NF1: variants seen among roughly 807,000 people sequenced by gnomAD.
NF1 encodes the protein neurofibromin 1.
In NF1, 122 loss-of-function variants were observed where a neutral mutation model predicts 325.7. That is an observed-to-expected ratio of 0.37 (90% CI 0.32 to 0.44). The LOEUF (loss-of-function observed/expected upper bound fraction) is 0.44. Among genes scored for constraint, NF1 ranks in the 20% least tolerant of loss-of-function variants. The probability of loss-of-function intolerance (pLI) is 1.00; values close to 1 mark genes in which losing one functional copy is unlikely to be tolerated. For missense variants in NF1, 2,140 were observed against 3,415.4 expected (o/e 0.63, Z 9.31); for synonymous variants, 1,091 against 1,186.0 (o/e 0.92, Z 1.65).
intron 42 of NF1, 94 bp downstream of exon 42, chr17:31,337,008 T>A: frequency 7.5e-7 from 1 of 1,339,372 alleles, no homozygotes; most frequent in Non-Finnish European, 1.0e-6. Flanking sequence ...GTTTGTGCTC[T>A]AACACCAAGT....
intron 3 of NF1, among the ~76,000 whole-genome samples, chr17:31,161,102 T>C (rs2065754523): frequency 6.6e-6 from 1 of 152,238 alleles, no homozygotes; most frequent in Non-Finnish European, 1.5e-5. Context: ...ACGTTTGTTA[T>C]ACATAGTTGG....
rs964089094 is a variant in NF1 at position 31,163,506 on chromosome 17, C to T, written c.479+130C>T. 14 of 951,862 alleles carry T rather than the reference C, an allele frequency of 1.5e-5. No individual in the cohort carries two copies. The East Asian group carries it at 3.2e-4, about 22-fold the overall frequency. The allele number at this position is 951,862 out of a possible 1,614,324, so 59.0% of individuals were successfully genotyped here. A position where few individuals can be genotyped will look rare whatever the true frequency, so the allele number is the denominator to read the frequency against. ...GTTTTTGAGACAAGTTCTTTTGCCC[C>T]TCACAGCAGCTTTGACCTCCCAGGC... is the stretch of plus-strand genomic sequence containing the variant. On this transcript the variant is annotated intron_variant, in intron 4 of 57. Transcript: ENST00000358273.
At chr17:31,192,249 G>A (rs750295706) in intron 8 of NF1, among the ~76,000 whole-genome samples, 5 of 152,144 alleles carry the variant, frequency 3.3e-5, no homozygotes, top group African/African-American at 9.7e-5. Flanking sequence ...ACCATGGCCC[G>A]TGACACAGCC....
chr17:31,188,569 T>C (rs2143817362), intron 8 of NF1, among the ~76,000 whole-genome samples: 1 of 152,218 alleles, frequency 6.6e-6, no homozygotes, highest in Middle Eastern at 3.4e-3. Context: ...TGACAAGGGG[T>C]GGACTTGTGA....
In NF1 at chr17:31,095,392, G is replaced by C. The variant is rs550767175; in HGVS notation, c.60+23G>C. ...CAGGTAACCGGCCCGTGGCGGGCGG[G>C]AGGTGGGAGCGGAGTGGGGGTGGGG... On this transcript the variant is annotated intron_variant, in intron 1 of 57. Coordinates refer to ENST00000358273, the MANE Select transcript of NF1 (RefSeq NM_001042492.3). 22 of 1,537,546 alleles carry C rather than the reference G, an allele frequency of 1.4e-5. No homozygotes were observed. In the East Asian group the frequency reaches 2.9e-4, roughly 20 times the overall value.
rs772745260 is a variant in NF1 at position 31,233,170 on chromosome 17, C to T, written c.3665C>T (p.Pro1222Leu). The T allele has an allele frequency of 1.4e-5, 22 of 1,613,978 alleles. 2 individuals are homozygous for T. In the South Asian group the frequency reaches 2.4e-4, roughly 18 times the overall value. Residue 1222 changes from proline (P) to leucine (L), a missense_variant, in exon 27 of 58, where the codon CCT becomes CTT. Physicochemically the swap from Pro to Leu is moderately conservative, Grantham distance 98 (BLOSUM62 -3). Transcript: ENST00000358273. ...ATGATGGGTGATCAAGGAGAACTCC[C>T]TATAGCGATGGCTCTGGCCAATGTG... ...VTMMGDQGEL[P>L]IAMALANVVP...
Position 31,252,955 on chromosome 17 carries a change from A to G in NF1, c.4128A>G (p.Leu1376=). 10 of 1,613,632 alleles carry G rather than the reference A, an allele frequency of 6.2e-6. No homozygotes were observed. Among genetic ancestry groups the G allele is most frequent in the East Asian group, 2.2e-5 (1 of 44,820 alleles). The change falls in exon 31 of 58, where the codon CTA becomes CTG. Residue 1376 remains leucine, a synonymous_variant. Transcript: ENST00000358273. ...TTCTGTAGGCAACTTGCCACTCCCTACTGAATAAAGCTACAGTAAAAGAAA... is the reference window on the plus strand; with the variant it reads ...TTCTGTAGGCAACTTGCCACTCCCTGCTGAATAAAGCTACAGTAAAAGAAA... ...HCLYQATCHS[L]LNKATVKEKK... is the part of the protein sequence containing the mutation.
intron 8 of NF1, among the ~76,000 whole-genome samples, chr17:31,197,293 G>T (rs2066451417): frequency 1.3e-5 from 2 of 148,652 alleles, no homozygotes; most frequent in South Asian, 2.1e-4. Flanking sequence ...TGATCTGCCC[G>T]CCTCGACCTC....
At chr17:31,318,152 A>G (rs2069073110) in intron 36 of NF1, 6 of 886,374 alleles carry the variant, frequency 6.8e-6, no homozygotes, top group Non-Finnish European at 8.5e-6. Flanking sequence ...TTAAGCAGGC[A>G]TACTTCTCCC....
intron 8 of NF1, among the ~76,000 whole-genome samples, chr17:31,193,425 C>G (rs1344891711): frequency 6.6e-6 from 1 of 152,192 alleles, no homozygotes; most frequent in Non-Finnish European, 1.5e-5. Flanking sequence ...TCTTCCACCT[C>G]AGCCTTCAGA....
intron 25 of NF1, 48 bp from the exon 26 acceptor site, chr17:31,232,652 A>G (rs752125674): frequency 6.4e-7 from 1 of 1,560,296 alleles, no homozygotes; most frequent in South Asian, 1.1e-5. Context: ...TTAGCTTTCT[A>G]GTTGATACGG....
intron 36 of NF1, among the ~76,000 whole-genome samples, chr17:31,271,274 A>G (rs1309125742): frequency 6.6e-6 from 1 of 152,242 alleles, no homozygotes; most frequent in Admixed American, 6.5e-5. Flanking sequence ...TACTCAATAT[A>G]AGATAATCTT....
intron 1 of NF1, among the ~76,000 whole-genome samples, chr17:31,151,266 C>A (rs941078174): frequency 2.0e-5 from 3 of 152,166 alleles, no homozygotes; most frequent in East Asian, 1.9e-4. Context: ...AGAGGTGTGG[C>A]AGGCTATACT....
chr17:31,298,250 T>C (rs1172812452), intron 36 of NF1, among the ~76,000 whole-genome samples: 2 of 152,170 alleles, frequency 1.3e-5, no homozygotes, highest in South Asian at 2.1e-4. Context: ...AGATTTATGA[T>C]AAATTTTGCT....
chr17:31,358,800 A>C (rs1037050933), intron 55 of NF1, 169 bp from the exon 56 acceptor site: 41 of 1,051,322 alleles, frequency 3.9e-5, no homozygotes, highest in Non-Finnish European at 5.5e-5. Flanking sequence ...ACAACTTTTT[A>C]TGCTGAGTAT....
chr17:31,343,131 A>G lies in NF1; in HGVS notation c.7185A>G (p.Leu2395=), dbSNP rs1172296616. 6.2e-7 allele frequency: 1 copy of G among 1,611,902 alleles called. No individual in the cohort carries two copies. The highest frequency in any genetic ancestry group is 1.3e-5 in the African/African-American group (1 of 74,898). The part of the protein sequence containing the change: ...NFNFALVGHL[L]KGYRHPSPAI... ...ACTTTGCATTGGTTGGACACCTTTT[A>G]AAAGGTAAAAAAGCCTTATTTAGAA... Residue 2395 remains leucine (L), a synonymous_variant, in exon 48 of 58, where the codon TTA becomes TTG. Transcript: ENST00000358273.
intron 29 of NF1, among the ~76,000 whole-genome samples, chr17:31,243,180 C>CTGTGTGTGTGTGTGTGTGTGTGTGTGTG (rs1162406311): frequency 2.7e-5 from 2 of 73,260 alleles, no homozygotes; most frequent in East Asian, 5.3e-4. Context: ...GTCTCTCTCT[C>CTGTGTGTGTGTGTGTGTGTGTGTGTGTG]TGTCTGTGTG....
chr17:31,213,653 A>G (rs1255773971), intron 12 of NF1, among the ~76,000 whole-genome samples: 1 of 152,176 alleles, frequency 6.6e-6, no homozygotes, highest in African/African-American at 2.4e-5. Context: ...TCTGGAATAT[A>G]ATTGTTGGAT....
At chr17:31,144,844 G>A (rs758781862) in intron 1 of NF1, among the ~76,000 whole-genome samples, 1 of 152,156 alleles carries the variant, frequency 6.6e-6, no homozygotes, top group Non-Finnish European at 1.5e-5. Flanking sequence ...GATGAAAGGA[G>A]GTAGAAAAAT....
Sources: allele counts gnomAD v4.1 joint callset (sites outside exome capture counted in the v4.1 genomes callset), GRCh38; gene constraint gnomAD v4.1.1; transcripts MANE v1.5; gene names NCBI Gene and HGNC (gene_info 2026-07-23, HGNC 2026-07-21).